The following CCR1 variants were observed in gnomAD, a reference collection of about 807,000 sequenced individuals.
The protein encoded by CCR1 is C-C motif chemokine receptor 1.
A neutral mutation model predicts 0.3 loss-of-function variants in CCR1; 1 was observed. The observed-to-expected ratio is 3.70, with a 90% CI of 1.31 to 17.54. CCR1 has a LOEUF of 17.54. Among genes scored for constraint, CCR1 ranks in the 30% most tolerant of loss-of-function variants. The pLI, the probability that CCR1 is intolerant of heterozygous loss-of-function variation, is 0.11. For synonymous variants in CCR1, 207 were observed against 182.5 expected (o/e 1.13, Z -1.08); for missense variants, 349 against 435.4 (o/e 0.80, Z 1.77).
Position 46,203,139 on chromosome 3 carries a change from C to T in CCR1, c.*107G>A. The T allele has an allele frequency of 5.3e-6, 4 of 758,148 alleles. No homozygotes were observed. The highest frequency in any genetic ancestry group is 8.6e-6 in the Non-Finnish European group (4 of 463,614). 47.0% of individuals were successfully genotyped at this position (758,148 alleles called of 1,614,324 possible). A position where few individuals can be genotyped will look rare whatever the true frequency, so the allele number is the denominator to read the frequency against. On this transcript the variant is annotated 3_prime_UTR_variant, in exon 2 of 2. Transcript: ENST00000296140. This position sits in a 1 kb window ranked among gnomAD's most constrained non-coding sequence, Gnocchi z 4.5. ...CTCTCTATCCCAAGTGGCTGTGACTCCATGCTGTGCCAAGAGTCAGAACCT... is the reference window on the plus strand; with the variant it reads ...CTCTCTATCCCAAGTGGCTGTGACTTCATGCTGTGCCAAGAGTCAGAACCT...
At position 46,204,381 on chromosome 3, in the gene CCR1, G is replaced by T; in HGVS notation, c.-11-57C>A. On this transcript the variant is annotated intron_variant, in intron 1 of 1. Transcript: ENST00000296140. ...TTTACTCTGCTACTAAAGGCAGTGG[G>T]CACTGGACAGTAAAGACAAGGGAGA... 2.7e-6 allele frequency: 3 copies of T among 1,107,558 alleles called. No individual in the cohort carries two copies. In the South Asian group the frequency reaches 5.0e-5, roughly 19 times the overall value. 68.6% of individuals were successfully genotyped at this position (1,107,558 alleles called of 1,614,324 possible).
chr3:46,204,408 G>T, intron 1 of CCR1, 84 bp from the exon 2 acceptor site: 1 of 882,286 alleles, frequency 1.1e-6, no homozygotes, highest in Non-Finnish European at 1.7e-6. Flanking sequence ...CAAGGGAGAG[G>T]TAACATTTTT....
Position 46,202,353 on chromosome 3 carries a change from A to G in CCR1, c.*893T>C, listed in dbSNP as rs200029440. ...CCTTTTGCCTGTTATTAATCGCTGC[A>G]ATAAAGCCATTAGAATCTACCAACA... On this transcript the variant is annotated 3_prime_UTR_variant, in exon 2 of 2. Coordinates refer to ENST00000296140, the MANE Select transcript of CCR1 (RefSeq NM_001295.3). 5.3e-5 allele frequency: 8 copies of G among 152,170 alleles called. No homozygotes were observed. The highest frequency in any genetic ancestry group is 1.0e-4 in the Non-Finnish European group (7 of 68,026). 9.4% of individuals were successfully genotyped at this position (152,170 alleles called of 1,614,324 possible). A position where few individuals can be genotyped will look rare whatever the true frequency, so the allele number is the denominator to read the frequency against.
Position 46,203,689 on chromosome 3 carries a change from C to A in CCR1, c.625G>T (p.Val209Leu). 6.2e-7 allele frequency: 1 copy of A among 1,614,150 alleles called. No homozygotes were observed. The highest frequency in any genetic ancestry group is 8.5e-7 in the Non-Finnish European group (1 of 1,180,024). The part of the protein sequence containing the change: ...QALKLNLFGL[V>L]LPLLVMIICY... The stretch of plus-strand genomic sequence containing the variant: ...ATGATCATGACCAACAAAGGCAATA[C>A]CAGCCCAAAGAGGTTCAGTTTCAGA... Residue 209 changes from valine (V) to leucine (L), a missense_variant, in exon 2 of 2, where the codon GTA becomes TTA. Transcript: ENST00000296140. This position sits in a 1 kb window ranked among gnomAD's most constrained non-coding sequence, Gnocchi z 4.5.
chr3:46,206,171 TC>T (rs1158125752), intron 1 of CCR1, among the ~76,000 whole-genome samples: 2 of 152,254 alleles, frequency 1.3e-5, no homozygotes, highest in Non-Finnish European at 2.9e-5. Flanking sequence ...CCTTCTACTC[TC>T]CTTAAGGAAT....
rs539603234 is a variant in CCR1 at position 46,203,240 on chromosome 3, T to C, written c.*6A>G. On this transcript the variant is annotated 3_prime_UTR_variant, in exon 2 of 2. Coordinates refer to ENST00000296140, the MANE Select transcript of CCR1 (RefSeq NM_001295.3). This position sits in a 1 kb window ranked among gnomAD's most constrained non-coding sequence, Gnocchi z 4.5. ...CTTATTTTGGGTTGGCCTCCTATGGTCTGAGTCAGAACCCAGCAGAGAGTT... is the reference window on the plus strand; with the variant it reads ...CTTATTTTGGGTTGGCCTCCTATGGCCTGAGTCAGAACCCAGCAGAGAGTT... 1 of 1,605,758 alleles carries C rather than the reference T, an allele frequency of 6.2e-7. No individual in the cohort carries two copies. The highest frequency in any genetic ancestry group is 8.5e-7 in the Non-Finnish European group (1 of 1,174,092).
In CCR1 at chr3:46,204,002, G is replaced by A; in HGVS notation, c.312C>T (p.Ala104=). 1 of 1,614,230 alleles carries A rather than the reference G, an allele frequency of 6.2e-7. No individual in the cohort carries two copies. The highest frequency in any genetic ancestry group is 8.5e-7 in the Non-Finnish European group (1 of 1,180,036). ...AAAACCCAGAGAGGATCTTACACAT[G>A]GCATCACCAAAAACCCAGTCATCCT... ...KLKDDWVFGD[A]MCKILSGFYY... Residue 104 remains alanine (A), a synonymous_variant, in exon 2 of 2, where the codon GCC becomes GCT. Coordinates refer to ENST00000296140, the MANE Select transcript of CCR1 (RefSeq NM_001295.3).
At chr3:46,204,420 C>T in intron 1 of CCR1, 96 bp from the exon 2 acceptor site, 2 of 756,166 alleles carry the variant, frequency 2.6e-6, no homozygotes, top group Non-Finnish European at 4.1e-6. Flanking sequence ...AACATTTTTT[C>T]AGCCACTCCA....
rs746535725 is a variant in CCR1, at chr3:46,203,602, C to T, written c.712G>A (p.Val238Ile). The change falls in exon 2 of 2, where the codon GTC becomes ATC. Residue 238 changes from valine to isoleucine, a missense_variant. Val to Ile is a conservative substitution (Grantham distance 29, BLOSUM62 3). Transcript: ENST00000296140. This position sits in a 1 kb window ranked among gnomAD's most constrained non-coding sequence, Gnocchi z 4.5. ...RRPNEKKSKA[V>I]RLIFVIMIIF... is the part of the protein sequence containing the mutation. ...ATCATGATGACAAAAATCAAACGGACAGCTTTGGATTTCTTCTCATTTGGT... is the reference window on the plus strand; with the variant it reads ...ATCATGATGACAAAAATCAAACGGATAGCTTTGGATTTCTTCTCATTTGGT... The T allele has an allele frequency of 6.2e-7, 1 of 1,614,038 alleles. No homozygotes were observed. The highest frequency in any genetic ancestry group is 1.1e-5 in the South Asian group (1 of 91,068).
rs1456404546 is a variant in CCR1, at chr3:46,203,444, G to C, written c.870C>G (p.Ala290=). ...CTGGGTTGACACAGCAGTGCGTGTAGGCGATCACCTCCGTCACTTGCACAG... is the reference window on the plus strand; with the variant it reads ...CTGGGTTGACACAGCAGTGCGTGTACGCGATCACCTCCGTCACTTGCACAG... ...DLAVQVTEVI[A]YTHCCVNPVI... The change falls in exon 2 of 2, where the codon GCC becomes GCG. Residue 290 remains alanine (A), a synonymous_variant. Transcript: ENST00000296140. This position sits in a 1 kb window ranked among gnomAD's most constrained non-coding sequence, Gnocchi z 4.5. 2 of 1,614,060 alleles carry C rather than the reference G, an allele frequency of 1.2e-6. No homozygotes were observed. Among genetic ancestry groups the C allele is most frequent in the African/African-American group, 2.7e-5 (2 of 74,908 alleles).
At chr3:46,205,943 C>G (rs1039633485) in intron 1 of CCR1, among the ~76,000 whole-genome samples, 4 of 152,036 alleles carry the variant, frequency 2.6e-5, no homozygotes, top group African/African-American at 9.7e-5. Flanking sequence ...GCTGGTATAC[C>G]CTGTCTCCCA....
At chr3:46,204,373 G>A (rs563743348) in intron 1 of CCR1, 49 bp from the exon 2 acceptor site, 4 of 1,224,650 alleles carry the variant, frequency 3.3e-6, no homozygotes, top group African/African-American at 1.5e-5. Context: ...TGCTACTAAA[G>A]GCAGTGGGCA....
In CCR1 at chr3:46,206,766, G is replaced by A. The variant is rs183391177; in HGVS notation, c.-12+1516C>T. Among the ~76,000 whole-genome samples, 266 of 152,276 alleles carry A rather than the reference G, an allele frequency of 1.7e-3. 1 individual carries two copies. Among genetic ancestry groups the A allele is most frequent in the African/African-American group, 6.1e-3 (253 of 41,550 alleles). ...AGGGAGGTGATCTGGGGTGGGGCCC[G>A]AGAAGAGAAACCAAAGGACCATGTT... is the stretch of plus-strand genomic sequence containing the variant. On this transcript the variant is annotated intron_variant, in intron 1 of 1. Coordinates refer to ENST00000296140, the MANE Select transcript of CCR1 (RefSeq NM_001295.3).
Position 46,204,245 on chromosome 3 carries a change from C to A in CCR1, c.69G>T (p.Pro23=), listed in dbSNP as rs760444180. The part of the protein sequence containing the change: ...TTEFDYGDAT[P]CQKVNERAFG... ...AGGCCCTCTCGTTCACCTTCTGGCA[C>A]GGAGTTGCATCCCCATAGTCAAACT... The change falls in exon 2 of 2, where the codon CCG becomes CCT. Residue 23 remains proline, a synonymous_variant. Transcript: ENST00000296140. 1.2e-6 allele frequency: 2 copies of A among 1,613,626 alleles called. No individual in the cohort carries two copies. Among genetic ancestry groups the A allele is most frequent in the Admixed American group, 3.3e-5 (2 of 59,982 alleles).
chr3:46,207,261 G>A (rs184818125), intron 1 of CCR1, among the ~76,000 whole-genome samples: 11 of 152,254 alleles, frequency 7.2e-5, no homozygotes, highest in Admixed American at 7.2e-4. Flanking sequence ...CTGGTGCCAG[G>A]TTGTGCAAAC....
chr3:46,203,282 G>C lies in CCR1; in HGVS notation c.1032C>G (p.Pro344=). 1 of 1,614,094 alleles carries C rather than the reference G, an allele frequency of 6.2e-7. No homozygotes were observed. Among genetic ancestry groups the C allele is most frequent in the Non-Finnish European group, 8.5e-7 (1 of 1,179,966 alleles). ...DRLERVSSTS[P]STGEHELSAG... ...CAGAGAGTTCATGCTCCCCTGTGGAGGGAGATGTGGAGCTGACCCTCTCCA... is the reference window on the plus strand; with the variant it reads ...CAGAGAGTTCATGCTCCCCTGTGGACGGAGATGTGGAGCTGACCCTCTCCA... The change falls in exon 2 of 2, where the codon CCC becomes CCG. Residue 344 remains proline (P), a synonymous_variant. Coordinates refer to ENST00000296140, the MANE Select transcript of CCR1 (RefSeq NM_001295.3). This position sits in a 1 kb window ranked among gnomAD's most constrained non-coding sequence, Gnocchi z 4.5.
chr3:46,203,402 A>G lies in CCR1; in HGVS notation c.912T>C (p.Val304=). The G allele has an allele frequency of 6.2e-7, 1 of 1,614,152 alleles. No individual in the cohort carries two copies. The change falls in exon 2 of 2, where the codon GTT becomes GTC. Residue 304 remains valine, a synonymous_variant. Transcript: ENST00000296140. The surrounding 1 kb of genome is among the most constrained non-coding windows in gnomAD (Gnocchi z 4.5). Reference sequence around the variant, plus strand: ...GCAGGTACTTCCGGAACCTCTCACCAACGAAGGCGTAGATCACTGGGTTGA... The same window carrying G: ...GCAGGTACTTCCGGAACCTCTCACCGACGAAGGCGTAGATCACTGGGTTGA... ...CCVNPVIYAF[V]GERFRKYLRQ...
rs1342336271 is a variant in CCR1, at chr3:46,204,146, G to A, written c.168C>T (p.Val56=). ...GCCTCTTGTATTGCACAAGGACCAG[G>A]ACCACCAGGATGTTTCCAACCAGGC... The part of the protein sequence containing the change: ...VIGLVGNILV[V]LVLVQYKRLK... The change falls in exon 2 of 2, where the codon GTC becomes GTT. Residue 56 remains valine, a synonymous_variant. Transcript: ENST00000296140. 1 of 1,614,118 alleles carries A rather than the reference G, an allele frequency of 6.2e-7. No individual in the cohort carries two copies. Among genetic ancestry groups the A allele is most frequent in the Non-Finnish European group, 8.5e-7 (1 of 1,180,026 alleles).
intron 1 of CCR1, 25 bp from the exon 2 acceptor site, chr3:46,204,349 ATT>A: frequency 7.3e-7 from 1 of 1,367,732 alleles, no homozygotes; most frequent in Non-Finnish European, 9.9e-7. Context: ...AAAAAAAAAG[ATT>A]TGTCTTTACT....
Sources: allele counts gnomAD v4.1 joint callset (sites outside exome capture counted in the v4.1 genomes callset), GRCh38; gene constraint gnomAD v4.1.1; non-coding constraint Gnocchi (gnomAD v3.1); transcripts MANE v1.5; gene names NCBI Gene and HGNC (gene_info 2026-07-23, HGNC 2026-07-21).